ZFHX3: variants seen among roughly 807,000 people sequenced by gnomAD.
ZFHX3 encodes zinc finger homeobox protein 3.
ZFHX3 carries 42 observed loss-of-function variants against 279.1 expected under a neutral mutation model. The ratio of observed to expected loss-of-function variants is 0.15; its 90% CI spans 0.12 to 0.19. ZFHX3 has a LOEUF of 0.19. Ranked by LOEUF, ZFHX3 falls within the 10% of genes least tolerant of loss-of-function variation. The pLI, the probability that ZFHX3 is intolerant of heterozygous loss-of-function variation, is 1.00. For missense variants in ZFHX3, 4,981 were observed against 4,754.0 expected (o/e 1.05, Z -1.40); for synonymous variants, 2,293 against 1,957.8 (o/e 1.17, Z -4.52).
At chr16:72,961,791 C>T (rs1961591247) in intron 1 of ZFHX3, among the ~76,000 whole-genome samples, 1 of 152,150 alleles carries the variant, frequency 6.6e-6, no homozygotes, top group African/African-American at 2.4e-5. Flanking sequence ...AACACATACC[C>T]CTATCTCTCC....
At chr16:73,010,040 A>AAAAC (rs1963858281) in intron 1 of ZFHX3, among the ~76,000 whole-genome samples, 1 of 150,932 alleles carries the variant, frequency 6.6e-6, no homozygotes, top group African/African-American at 2.5e-5. Context: ...AAAAAAAAAA[A>AAAAC]AAACTCATAA....
chr16:73,175,443 T>G (rs1165809922), intron 5 of ZFHX3, among the ~76,000 whole-genome samples: 1 of 152,060 alleles, frequency 6.6e-6, no homozygotes, highest in Non-Finnish European at 1.5e-5. Context: ...TCCAACTTGG[T>G]CTTGAGCCAT....
chr16:72,843,147 G>C (rs188483108), intron 4 of ZFHX3, among the ~76,000 whole-genome samples: 1 of 152,196 alleles, frequency 6.6e-6, no homozygotes, highest in Admixed American at 6.5e-5. Flanking sequence ...GGTATTTGGG[G>C]GAGCTGACCA....
chr16:73,083,858 A>C (rs1965978083), intron 8 of ZFHX3, among the ~76,000 whole-genome samples: 2 of 152,128 alleles, frequency 1.3e-5, no homozygotes, highest in Admixed American at 1.3e-4. Flanking sequence ...AGGCCAGAGA[A>C]GATTCCACAG....
intron 4 of ZFHX3, among the ~76,000 whole-genome samples, chr16:72,885,399 G>A (rs1389594936): frequency 1.3e-5 from 2 of 152,246 alleles, no homozygotes; most frequent in African/African-American, 4.8e-5. Flanking sequence ...AGAAGATTCT[G>A]AAGGGATGGA....
At chr16:73,726,978 G>A (rs939964778) in intron 1 of ZFHX3, among the ~76,000 whole-genome samples, 1 of 152,180 alleles carries the variant, frequency 6.6e-6, no homozygotes, top group Non-Finnish European at 1.5e-5. Flanking sequence ...CATTCCCTGG[G>A]GAGAGGGCAA....
At chr16:73,031,841 G>C in intron 1 of ZFHX3, among the ~76,000 whole-genome samples, 1 of 152,186 alleles carries the variant, frequency 6.6e-6, no homozygotes, top group East Asian at 1.9e-4. Flanking sequence ...GGTGTGGAGA[G>C]AATGGGAGGA....
rs371999325 is a variant in ZFHX3 at position 73,193,409 on chromosome 16, G to A, written c.-1103-49578C>T. On this transcript the variant is annotated intron_variant, in intron 5 of 17. Transcript: ENST00000641206. ...TGCCAACAGAAAGTGCTAGTCAAAT[G>A]TCAGGTGTGAAGAGTCCTGAAGGTC... 5.9e-5 allele frequency among the ~76,000 whole-genome samples: 9 copies of A among 152,336 alleles called. No individual in the cohort carries two copies. In the East Asian group the frequency reaches 7.7e-4, roughly 13 times the overall value.
chr16:73,481,104 G>A (rs748886142), intron 2 of ZFHX3, among the ~76,000 whole-genome samples: 4 of 152,260 alleles, frequency 2.6e-5, no homozygotes, highest in African/African-American at 4.8e-5. Context: ...GCTGAGGCAG[G>A]TAGATCACTT....
At chr16:72,951,474 C>T (rs1250492203) in intron 2 of ZFHX3, among the ~76,000 whole-genome samples, 1 of 152,166 alleles carries the variant, frequency 6.6e-6, no homozygotes, top group East Asian at 1.9e-4. Context: ...GTTGGTCAGG[C>T]TGGTGTTGAA....
chr16:73,061,754 T>C (rs1965687239), upstream of ZFHX3: 1 of 152,196 alleles, frequency 6.6e-6, no homozygotes, highest in Admixed American at 6.5e-5. Context: ...AATTCCTCTT[T>C]GTAGATCTTG....
intron 2 of ZFHX3, among the ~76,000 whole-genome samples, chr16:73,466,913 G>A (rs2018583637): frequency 6.6e-6 from 1 of 152,116 alleles, no homozygotes; most frequent in African/African-American, 2.4e-5. Context: ...TAAGAAAGAT[G>A]ACACAGAGCA....
chr16:73,516,867 C>G (rs910418219), intron 2 of ZFHX3, among the ~76,000 whole-genome samples: 1 of 152,218 alleles, frequency 6.6e-6, no homozygotes, highest in Non-Finnish European at 1.5e-5. Context: ...CCGTGGGGCT[C>G]ATCTTGAATA....
chr16:73,537,418 G>A (rs1040850444), intron 2 of ZFHX3, among the ~76,000 whole-genome samples: 1 of 146,032 alleles, frequency 6.8e-6, no homozygotes, highest in African/African-American at 2.5e-5. Context: ...CTGGGTTCAA[G>A]TGATTCGCCT....
intron 2 of ZFHX3, among the ~76,000 whole-genome samples, chr16:73,472,562 A>AT (rs1430527516): frequency 6.6e-6 from 1 of 152,146 alleles, no homozygotes; most frequent in African/African-American, 2.4e-5. Flanking sequence ...TCAGGAGGGT[A>AT]TTATTCTATT....
chr16:73,021,092 G>A (rs1964282663), intron 1 of ZFHX3, among the ~76,000 whole-genome samples: 1 of 152,216 alleles, frequency 6.6e-6, no homozygotes, highest in Admixed American at 6.5e-5. Context: ...AGACAGACTT[G>A]GCACCTTACC....
chr16:72,945,153 A>G (rs1204198578), intron 3 of ZFHX3, among the ~76,000 whole-genome samples: 1 of 152,168 alleles, frequency 6.6e-6, no homozygotes, highest in African/African-American at 2.4e-5. Flanking sequence ...ACGAATGTGG[A>G]TGAAGATAGG....
At chr16:73,239,380 G>A (rs928388266) in intron 5 of ZFHX3, among the ~76,000 whole-genome samples, 5 of 152,202 alleles carry the variant, frequency 3.3e-5, no homozygotes, top group African/African-American at 1.2e-4. Flanking sequence ...GGCTAAGGCC[G>A]AACTTCCTTT....
chr16:73,132,689 A>C (rs766452691), intron 6 of ZFHX3, among the ~76,000 whole-genome samples: 1 of 152,196 alleles, frequency 6.6e-6, no homozygotes, highest in Non-Finnish European at 1.5e-5. Flanking sequence ...GCTGTATTTC[A>C]GGCCAACTTT....
Sources: gnomAD v4.1 joint callset for allele counts (sites outside exome capture counted in the v4.1 genomes callset) on GRCh38, gnomAD v4.1.1 for gene constraint, MANE v1.5 for transcripts, NCBI Gene and HGNC (gene_info 2026-07-23, HGNC 2026-07-21) for gene names.